Variants in NRP1 observed in about 807,000 individuals in gnomAD.
NRP1 encodes the protein neuropilin-1.
NRP1 carries 35 observed loss-of-function variants against 106.7 expected under a neutral mutation model. That is an observed-to-expected ratio of 0.33 (90% CI 0.25 to 0.43). The LOEUF (loss-of-function observed/expected upper bound fraction) is 0.43. NRP1 is among the 20% of genes least tolerant of loss of function. The probability of loss-of-function intolerance (pLI) is 1.00; values close to 1 mark genes in which losing one functional copy is unlikely to be tolerated. For missense variants in NRP1, 1,024 were observed against 1,170.4 expected (o/e 0.87, Z 1.83); for synonymous variants, 437 against 417.9 (o/e 1.05, Z -0.56).
chr10:33,271,670 C>T (rs1052615051), intron 2 of NRP1, among the ~76,000 whole-genome samples: 5 of 152,024 alleles, frequency 3.3e-5, no homozygotes, highest in Non-Finnish European at 5.9e-5. Context: ...GGATACAAAT[C>T]GTAAGGAAAG....
chr10:33,303,737 A>T (rs1037791493), intron 2 of NRP1, among the ~76,000 whole-genome samples: 1 of 152,198 alleles, frequency 6.6e-6, no homozygotes, highest in Admixed American at 6.5e-5. Flanking sequence ...CTTAGAAAAC[A>T]TTTTATTTAC....
chr10:33,197,474 C>T, intron 12 of NRP1, 176 bp downstream of exon 12: 1 of 455,160 alleles, frequency 2.2e-6, no homozygotes, highest in Non-Finnish European at 3.9e-6. Context: ...ATCTCACTCC[C>T]TGCTGCATAT....
At chr10:33,298,743 A>T (rs746581121) in intron 2 of NRP1, among the ~76,000 whole-genome samples, 2 of 152,176 alleles carry the variant, frequency 1.3e-5, no homozygotes, top group African/African-American at 2.4e-5. Context: ...CCTTTGTAAG[A>T]TGAGAAAGAT....
chr10:33,253,773 G>A (rs1012652848), intron 6 of NRP1, among the ~76,000 whole-genome samples: 3 of 152,218 alleles, frequency 2.0e-5, no homozygotes, highest in African/African-American at 7.2e-5. Context: ...ATAAGTATCT[G>A]AGAAGATAAA....
chr10:33,239,820 G>T (rs187484970), intron 6 of NRP1, among the ~76,000 whole-genome samples: 66 of 152,220 alleles, frequency 4.3e-4, no homozygotes, highest in Non-Finnish European at 8.2e-4. Flanking sequence ...TAGAGCTAAG[G>T]TTATTTGCAA....
chr10:33,204,219 G>A (rs796703895), intron 10 of NRP1, among the ~76,000 whole-genome samples: 14 of 152,226 alleles, frequency 9.2e-5, no homozygotes, highest in African/African-American at 3.4e-4. Flanking sequence ...GTCAGTAACT[G>A]CTGCTTTCTT....
intron 2 of NRP1, among the ~76,000 whole-genome samples, chr10:33,312,337 C>T (rs1396247692): frequency 6.6e-6 from 1 of 152,118 alleles, no homozygotes; most frequent in Non-Finnish European, 1.5e-5. Flanking sequence ...CCTTGTTTAG[C>T]CTTTGAAAAG....
chr10:33,219,306 G>T (rs772243826), intron 8 of NRP1, among the ~76,000 whole-genome samples: 25 of 152,148 alleles, frequency 1.6e-4, no homozygotes, highest in Admixed American at 5.9e-4. Context: ...TCCATGGTCC[G>T]TCATGCATAC....
intron 4 of NRP1, among the ~76,000 whole-genome samples, chr10:33,262,562 G>C (rs187751513): frequency 6.6e-6 from 1 of 152,146 alleles, no homozygotes; most frequent in Non-Finnish European, 1.5e-5. Context: ...AATTAGCTGA[G>C]TGTGGTGGTG....
At chr10:33,214,997 C>T (rs769395802) in intron 8 of NRP1, among the ~76,000 whole-genome samples, 1 of 152,158 alleles carries the variant, frequency 6.6e-6, no homozygotes, top group Non-Finnish European at 1.5e-5. Flanking sequence ...ATTGTTAAAG[C>T]GGTAAATTTT....
chr10:33,192,285 G>T lies in NRP1; in HGVS notation c.2058C>A (p.His686Gln). ...CCGAAGTGAACTCTGTGATACCTGT[G>T]TGATCCTGAATGGGTCCCGTCTTGC... ...LTSKTGPIQD[H>Q]TGDGNFIYSQ... Residue 686 changes from histidine to glutamine, a missense_variant, in exon 13 of 17, where the codon CAC becomes CAA. This residue lies in a region of NRP1 where 562 missense variants were observed against 620.3 expected (regional missense o/e 0.91). Coordinates refer to ENST00000374867, the MANE Select transcript of NRP1 (RefSeq NM_003873.7). 6.2e-7 allele frequency: 1 copy of T among 1,613,420 alleles called. No individual in the cohort carries two copies.
intron 11 of NRP1, chr10:33,202,550 G>A: frequency 7.2e-7 from 1 of 1,397,242 alleles, no homozygotes; most frequent in African/African-American, 1.5e-5. Flanking sequence ...GTTACGTAGG[G>A]GTGGTGCACG....
intron 8 of NRP1, among the ~76,000 whole-genome samples, chr10:33,220,764 G>T (rs1839167848): frequency 1.3e-5 from 2 of 151,840 alleles, no homozygotes; most frequent in African/African-American, 2.4e-5. Flanking sequence ...CAGGTGTGGT[G>T]GTGCACTCCT....
At chr10:33,297,984 A>G (rs2132677750) in intron 2 of NRP1, among the ~76,000 whole-genome samples, 1 of 152,280 alleles carries the variant, frequency 6.6e-6, no homozygotes, top group South Asian at 2.1e-4. Flanking sequence ...TGTTGATACT[A>G]TACTCATCAA....
intron 2 of NRP1, among the ~76,000 whole-genome samples, chr10:33,318,831 G>A (rs1847228839): frequency 6.7e-6 from 1 of 148,532 alleles, no homozygotes. Flanking sequence ...TGCTAGCACA[G>A]CTTTGGTAAT....
intron 12 of NRP1, among the ~76,000 whole-genome samples, chr10:33,193,588 A>G (rs1766799682): frequency 6.6e-6 from 1 of 152,224 alleles, no homozygotes; most frequent in East Asian, 1.9e-4. Flanking sequence ...GAACTTAAAA[A>G]TAAGCCTCAA....
At chr10:33,206,387 G>T (rs747470221) in intron 10 of NRP1, 10 of 510,932 alleles carry the variant, frequency 2.0e-5, no homozygotes, top group Middle Eastern at 6.4e-4. Context: ...CATGACTACA[G>T]ATATGGAAAC....
intron 2 of NRP1, among the ~76,000 whole-genome samples, chr10:33,306,978 C>CA (rs1431836530): frequency 6.6e-6 from 1 of 152,262 alleles, no homozygotes; most frequent in Admixed American, 6.5e-5. Context: ...AGCTGCCTGA[C>CA]AGAGGCAAAC....
At chr10:33,306,353 A>AGG (rs954553162) in intron 2 of NRP1, among the ~76,000 whole-genome samples, 12 of 58,154 alleles carry the variant, frequency 2.1e-4, no homozygotes, top group Admixed American at 6.8e-4. Flanking sequence ...GCGGGTCAGA[A>AGG]GGGTGTGTGT....
Sources: gnomAD v4.1 joint callset for allele counts (sites outside exome capture counted in the v4.1 genomes callset) on GRCh38, gnomAD v4.1.1 for gene constraint, gnomAD v4.1.1 regional missense constraint, MANE v1.5 for transcripts, NCBI Gene and HGNC (gene_info 2026-07-23, HGNC 2026-07-21) for gene names.